The following LRRC4C variants were observed in gnomAD, a reference collection of about 807,000 sequenced individuals.
The protein encoded by LRRC4C is leucine-rich repeat-containing protein 4C.
In LRRC4C, 5 loss-of-function variants were observed where a neutral mutation model predicts 33.6. The observed-to-expected ratio is 0.15, with a 90% CI of 0.08 to 0.31. The LOEUF (loss-of-function observed/expected upper bound fraction) is 0.31, where lower values mean the gene tolerates loss of function less well. Ranked by LOEUF, LRRC4C falls within the 10% of genes least tolerant of loss-of-function variation. The pLI is 1.00. For missense variants in LRRC4C, 560 were observed against 796.7 expected, an observed-to-expected ratio of 0.70 and a Z score of 3.58; for synonymous variants, 329 against 302.0, an observed-to-expected ratio of 1.09 and a Z score of -0.93.
intron 2 of LRRC4C, among the ~76,000 whole-genome samples, chr11:40,697,972 G>A (rs1945660677): frequency 6.6e-6 from 1 of 151,466 alleles, no homozygotes. Flanking sequence ...GGAGGCTGAG[G>A]CAGGATAATG....
intron 3 of LRRC4C, among the ~76,000 whole-genome samples, chr11:40,611,140 G>A (rs1004563215): frequency 6.6e-6 from 1 of 151,864 alleles, no homozygotes; most frequent in Non-Finnish European, 1.5e-5. Context: ...CAAAGGTATG[G>A]TAATTAAAAT....
intron 1 of LRRC4C, among the ~76,000 whole-genome samples, chr11:41,011,321 G>T (rs1430722166): frequency 6.6e-6 from 1 of 151,768 alleles, no homozygotes; most frequent in African/African-American, 2.4e-5. Flanking sequence ...TCCAAGATTA[G>T]GCTTTCTTCA....
At chr11:41,109,851 G>A (rs981277268) in intron 1 of LRRC4C, among the ~76,000 whole-genome samples, 12 of 152,006 alleles carry the variant, frequency 7.9e-5, no homozygotes, top group African/African-American at 2.9e-4. Flanking sequence ...TCAAGGGAAG[G>A]AAGGGAATAC....
At chr11:40,312,561 CA>C (rs1945367391) in intron 4 of LRRC4C, among the ~76,000 whole-genome samples, 1 of 152,120 alleles carries the variant, frequency 6.6e-6, no homozygotes, top group African/African-American at 2.4e-5. Context: ...TAGATGTCTT[CA>C]AGACCTTTTA....
chr11:41,369,624 TA>T (rs1318797757), intron 1 of LRRC4C, among the ~76,000 whole-genome samples: 1 of 152,152 alleles, frequency 6.6e-6, no homozygotes, highest in Non-Finnish European at 1.5e-5. Context: ...ATGCTAGATC[TA>T]AAAGTACATT....
intron 2 of LRRC4C, among the ~76,000 whole-genome samples, chr11:40,792,469 TAA>T (rs1212030147): frequency 6.6e-6 from 1 of 152,078 alleles, no homozygotes; most frequent in Non-Finnish European, 1.5e-5. Context: ...TGGCGATCAT[TAA>T]AAAAGTCAGG....
intron 2 of LRRC4C, among the ~76,000 whole-genome samples, chr11:40,684,068 T>C (rs1944837144): frequency 6.6e-6 from 1 of 152,128 alleles, no homozygotes. Flanking sequence ...CTTTACAACG[T>C]TACAAAATAC....
intron 6 of LRRC4C, among the ~76,000 whole-genome samples, chr11:40,126,916 C>T (rs1468707892): frequency 1.3e-5 from 2 of 150,002 alleles, no homozygotes; most frequent in Non-Finnish European, 3.0e-5. Flanking sequence ...GCTGAGATGG[C>T]ACCATTGCAC....
At chr11:41,168,820 G>C (rs1243634462) in intron 1 of LRRC4C, among the ~76,000 whole-genome samples, 7 of 152,136 alleles carry the variant, frequency 4.6e-5, no homozygotes, top group Non-Finnish European at 1.0e-4. Context: ...ATCTGTTTCT[G>C]CCAAAATGCC....
chr11:40,376,103 G>A (rs1266106409), intron 3 of LRRC4C, among the ~76,000 whole-genome samples: 5 of 152,090 alleles, frequency 3.3e-5, no homozygotes, highest in Non-Finnish European at 4.4e-5. Context: ...AATATAAGAA[G>A]AAATATAATA....
intron 1 of LRRC4C, among the ~76,000 whole-genome samples, chr11:40,969,518 A>C (rs1417198663): frequency 4.0e-5 from 6 of 151,584 alleles, no homozygotes; most frequent in Admixed American, 4.0e-4. Flanking sequence ...GGGAAACTTC[A>C]TTACTGTCTT....
intron 2 of LRRC4C, among the ~76,000 whole-genome samples, chr11:40,881,963 G>T (rs1263968060): frequency 6.6e-6 from 1 of 151,892 alleles, no homozygotes; most frequent in Non-Finnish European, 1.5e-5. Flanking sequence ...TTCCATTTTT[G>T]CTTCATACTA....
At chr11:40,272,664 T>TA (rs1322876087) in intron 4 of LRRC4C, among the ~76,000 whole-genome samples, 2 of 152,078 alleles carry the variant, frequency 1.3e-5, no homozygotes, top group Non-Finnish European at 2.9e-5. Flanking sequence ...CCTAGCACAT[T>TA]AAAAAATGCA....
intron 1 of LRRC4C, among the ~76,000 whole-genome samples, chr11:41,097,955 A>G (rs1290949105): frequency 6.6e-6 from 1 of 151,968 alleles, no homozygotes; most frequent in Non-Finnish European, 1.5e-5. Context: ...AACTAAACCA[A>G]TATCTCATTG....
At chr11:41,104,122 A>G (rs1284630495) in intron 1 of LRRC4C, among the ~76,000 whole-genome samples, 2 of 151,928 alleles carry the variant, frequency 1.3e-5, no homozygotes, top group Non-Finnish European at 2.9e-5. Flanking sequence ...TATTATCACG[A>G]TTAATAACTT....
intron 1 of LRRC4C, among the ~76,000 whole-genome samples, chr11:41,156,593 C>T (rs994433400): frequency 2.6e-5 from 4 of 151,886 alleles, no homozygotes; most frequent in African/African-American, 7.3e-5. Flanking sequence ...ATGAACAAAA[C>T]AGAAAAAGTG....
At chr11:40,890,849 G>GA (rs146219409) in intron 2 of LRRC4C, among the ~76,000 whole-genome samples, 2,193 of 151,006 alleles carry the variant, frequency 0.015, 55 homozygotes, top group African/African-American at 0.05. Context: ...CAACAAGGCT[G>GA]AAAAAAAAAT....
chr11:40,673,687 G>T (rs1944244704), intron 2 of LRRC4C, among the ~76,000 whole-genome samples: 1 of 152,146 alleles, frequency 6.6e-6, no homozygotes, highest in Non-Finnish European at 1.5e-5. Flanking sequence ...ATATAAAGGA[G>T]ATAAATAAGT....
chr11:40,324,003 G>A (rs1257531563), intron 3 of LRRC4C, among the ~76,000 whole-genome samples: 1 of 152,308 alleles, frequency 6.6e-6, no homozygotes, highest in South Asian at 2.1e-4. Context: ...AAAAGAGCCT[G>A]ACACCTTCCC....
Sources: allele counts gnomAD v4.1 joint callset (sites outside exome capture counted in the v4.1 genomes callset), GRCh38; gene constraint gnomAD v4.1.1; transcripts MANE v1.5; gene names NCBI Gene and HGNC (gene_info 2026-07-23, HGNC 2026-07-21).